The following RNF220 variants were observed in gnomAD, a reference collection of about 807,000 sequenced individuals.
RNF220 encodes the protein E3 ubiquitin-protein ligase RNF220.
Under a neutral mutation model 67.1 loss-of-function variants are expected in RNF220, and 7 were observed. The observed-to-expected ratio is 0.10, with a 90% CI of 0.06 to 0.20. The LOEUF is 0.20. Ranked by LOEUF, RNF220 falls within the 10% of genes least tolerant of loss-of-function variation. The pLI is 1.00. For synonymous variants in RNF220, 270 were observed against 283.2 expected, an observed-to-expected ratio of 0.95 and a Z score of 0.47; for missense variants, 565 against 740.3, an observed-to-expected ratio of 0.76 and a Z score of 2.75.
intron 2 of RNF220, among the ~76,000 whole-genome samples, chr1:44,483,211 A>G (rs1572640983): frequency 6.6e-6 from 1 of 152,120 alleles, no homozygotes; most frequent in African/African-American, 2.4e-5. Context: ...GATTGCAGGC[A>G]TGAACTACCA....
Position 44,430,998 on chromosome 1 carries a change from A to C in RNF220, c.625+18276A>C, listed in dbSNP as rs184252274. Among the ~76,000 whole-genome samples, 253 of 152,342 alleles carry C rather than the reference A, an allele frequency of 1.7e-3. 1 individual carries two copies. Among genetic ancestry groups the C allele is most frequent in the African/African-American group, 5.9e-3 (246 of 41,584 alleles). ...TACTACTTGGTTCTATTTCTTCCAA[A>C]TGGTCAAGTGGATGGGATTACAGTC... is the stretch of plus-strand genomic sequence containing the variant. On this transcript the variant is annotated intron_variant, in intron 2 of 14. Transcript: ENST00000361799.
At chr1:44,477,435 G>A (rs1213607569) in intron 2 of RNF220, among the ~76,000 whole-genome samples, 2 of 152,176 alleles carry the variant, frequency 1.3e-5, no homozygotes, top group African/African-American at 4.8e-5. Flanking sequence ...AAGAACTGAA[G>A]TTAAGGCCTG....
intron 8 of RNF220, 43 bp downstream of exon 8, chr1:44,636,205 GCCTCTGCTGGGTATC>G (rs942383212): frequency 1.3e-6 from 2 of 1,569,204 alleles, no homozygotes; most frequent in Non-Finnish European, 1.7e-6. Flanking sequence ...CTGGTGCCAG[GCCTCTGCTGGGTATC>G]CATCTGCTGG....
At chr1:44,457,849 T>C (rs1425794128) in intron 2 of RNF220, among the ~76,000 whole-genome samples, 3 of 152,188 alleles carry the variant, frequency 2.0e-5, no homozygotes, top group Non-Finnish European at 4.4e-5. Context: ...GCACAACCAC[T>C]TGCTAGTCTT....
At chr1:44,594,061 G>A (rs553309824) in intron 2 of RNF220, among the ~76,000 whole-genome samples, 1 of 151,650 alleles carries the variant, frequency 6.6e-6, no homozygotes, top group East Asian at 1.9e-4. Flanking sequence ...CTCCAGCCTG[G>A]GTGACAGAGT....
chr1:44,632,130 C>T (rs1455567943), intron 5 of RNF220: 2 of 1,520,662 alleles, frequency 1.3e-6, no homozygotes, highest in African/African-American at 2.8e-5. Flanking sequence ...GCCACGGGGT[C>T]CCGTTAGAGC....
intron 2 of RNF220, among the ~76,000 whole-genome samples, chr1:44,539,719 A>T (rs922923691): frequency 2.6e-5 from 4 of 152,184 alleles, no homozygotes; most frequent in Non-Finnish European, 5.9e-5. Flanking sequence ...TCATTTCTGA[A>T]TCCAATACCT....
At chr1:44,430,791 C>T (rs924814933) in intron 2 of RNF220, among the ~76,000 whole-genome samples, 2 of 152,226 alleles carry the variant, frequency 1.3e-5, no homozygotes, top group South Asian at 4.1e-4. Context: ...GTGATCCGCC[C>T]ACCTTGGCCT....
chr1:44,637,812 C>A, intron 8 of RNF220, among the ~76,000 whole-genome samples: 1 of 152,146 alleles, frequency 6.6e-6, no homozygotes. Flanking sequence ...TTTCTTTGAG[C>A]GATTTGGAGA....
At chr1:44,461,924 G>GTTTTTTTTTTTTTTTTTTTTTTTT (rs201661366) in intron 2 of RNF220, among the ~76,000 whole-genome samples, 1 of 123,562 alleles carries the variant, frequency 8.1e-6, no homozygotes, top group African/African-American at 3.1e-5. Flanking sequence ...TTTTTTCTTT[G>GTTTTTTTTTTTTTTTTTTTTTTTT]TTTTTTTTTT....
At chr1:44,613,110 G>A (rs1178598720) in intron 2 of RNF220, among the ~76,000 whole-genome samples, 1 of 146,176 alleles carries the variant, frequency 6.8e-6, no homozygotes, top group Non-Finnish European at 1.5e-5. Context: ...GTAAGCAGAG[G>A]CCACAGAGCA....
chr1:44,497,132 C>T (rs1401101878), intron 2 of RNF220, among the ~76,000 whole-genome samples: 1 of 152,078 alleles, frequency 6.6e-6, no homozygotes, highest in Non-Finnish European at 1.5e-5. Flanking sequence ...CACTAGTGTC[C>T]CCTTTCCAAT....
chr1:44,414,324 GACAGATTCCGCCCC>G (rs1250269698), intron 2 of RNF220, among the ~76,000 whole-genome samples: 1 of 152,248 alleles, frequency 6.6e-6, no homozygotes, highest in Non-Finnish European at 1.5e-5. Flanking sequence ...GTTAGGGTGT[GACAGATTCCGCCCC>G]TTTTTTTCTC....
intron 2 of RNF220, among the ~76,000 whole-genome samples, chr1:44,551,119 C>CTTTTTTTT (rs386366846): frequency 3.1e-5 from 3 of 97,498 alleles, no homozygotes; most frequent in Non-Finnish European, 5.6e-5. Flanking sequence ...CACTTCTTGC[C>CTTTTTTTT]TTTTTTTTTT....
At position 44,649,932 on chromosome 1, in the gene RNF220, G is replaced by A. The variant is rs781089720; in HGVS notation, c.1604G>A (p.Cys535Tyr). 1 of 1,613,938 alleles carries A rather than the reference G, an allele frequency of 6.2e-7. No individual in the cohort carries two copies. The highest frequency in any genetic ancestry group is 8.5e-7 in the Non-Finnish European group (1 of 1,179,954). The change falls in exon 14 of 15, where the codon TGC becomes TAC. Residue 535 changes from cysteine (C) to tyrosine (Y), a missense_variant. Coordinates refer to ENST00000361799, the MANE Select transcript of RNF220 (RefSeq NM_018150.4). The surrounding 1 kb of genome is among the most constrained non-coding windows in gnomAD (Gnocchi z 5.9). Reference sequence around the variant, plus strand: ...TCCATCCAGTGTTGGCACGTGCACTGCGAGGAGTGCTGGCTGCGGACCCTG... The same window carrying A: ...TCCATCCAGTGTTGGCACGTGCACTACGAGGAGTGCTGGCTGCGGACCCTG... ...LTSIQCWHVH[C>Y]EECWLRTLGA...
chr1:44,535,690 A>G (rs1661166699), intron 2 of RNF220, among the ~76,000 whole-genome samples: 1 of 152,206 alleles, frequency 6.6e-6, no homozygotes, highest in Non-Finnish European at 1.5e-5. Context: ...GCACAGGCAA[A>G]GTGGGACTGA....
intron 2 of RNF220, among the ~76,000 whole-genome samples, chr1:44,439,815 G>T (rs1485064617): frequency 6.6e-6 from 1 of 152,172 alleles, no homozygotes. Context: ...AAGATGAGAG[G>T]TACCAAGACC....
intron 2 of RNF220, among the ~76,000 whole-genome samples, chr1:44,594,689 G>T (rs1666352798): frequency 6.6e-6 from 1 of 152,182 alleles, no homozygotes; most frequent in South Asian, 2.1e-4. Flanking sequence ...GAGGCTAAGG[G>T]GGCATTCGGT....
intron 2 of RNF220, among the ~76,000 whole-genome samples, chr1:44,536,213 T>G (rs1388395011): frequency 1.3e-5 from 2 of 152,118 alleles, no homozygotes; most frequent in Non-Finnish European, 2.9e-5. Flanking sequence ...AGTGGGTGGC[T>G]GTGTTGTGAG....
Sources: allele counts gnomAD v4.1 joint callset (sites outside exome capture counted in the v4.1 genomes callset), GRCh38; gene constraint gnomAD v4.1.1; non-coding constraint Gnocchi (gnomAD v3.1); transcripts MANE v1.5; gene names NCBI Gene and HGNC (gene_info 2026-07-23, HGNC 2026-07-21).